FER1L5: variants seen among roughly 807,000 people sequenced by gnomAD.
FER1L5 encodes fer-1 like family member 5.
A neutral mutation model predicts 279.9 loss-of-function variants in FER1L5; 187 were observed. That is an observed-to-expected ratio of 0.67 (90% CI 0.59 to 0.75). The LOEUF is 0.75. Ranked by LOEUF, FER1L5 falls within the 30% of genes least tolerant of loss-of-function variation. FER1L5 has a pLI of 0.00. For synonymous variants in FER1L5, 921 were observed against 989.7 expected (o/e 0.93, Z 1.30); for missense variants, 2,091 against 2,594.4 (o/e 0.81, Z 4.21).
Position 96,695,621 on chromosome 2 carries a change from C to T in FER1L5, c.3854C>T (p.Pro1285Leu). The part of the protein sequence containing the change: ...TEPIRDFQTN[P>L]NFPESESVLV... ...CCCATCAGGGACTTTCAGACCAACCCCAACTTCCCCGAGTCTGAGTCTGTC... is the reference window on the plus strand; with the variant it reads ...CCCATCAGGGACTTTCAGACCAACCTCAACTTCCCCGAGTCTGAGTCTGTC... Residue 1285 changes from proline to leucine, a missense_variant, in exon 35 of 53, where the codon CCC becomes CTC. Transcript: ENST00000624922. The T allele has an allele frequency of 1.9e-6, 3 of 1,604,864 alleles. No homozygotes were observed. The highest frequency in any genetic ancestry group is 2.6e-6 in the Non-Finnish European group (3 of 1,175,684).
intron 37 of FER1L5, among the ~76,000 whole-genome samples, chr2:96,696,635 TCACATC>T (rs2077391577): frequency 6.6e-6 from 1 of 151,742 alleles, no homozygotes; most frequent in Non-Finnish European, 1.5e-5. Flanking sequence ...GTGCAGTGGC[TCACATC>T]TGTAATCCCA....
At chr2:96,703,972 T>C (rs2077687499) in intron 51 of FER1L5, among the ~76,000 whole-genome samples, 1 of 152,006 alleles carries the variant, frequency 6.6e-6, no homozygotes, top group African/African-American at 2.4e-5. Flanking sequence ...CATGCCACCA[T>C]GCCCGGCTAA....
intron 9 of FER1L5, among the ~76,000 whole-genome samples, chr2:96,657,030 A>T (rs2075624643): frequency 6.7e-6 from 1 of 150,096 alleles, no homozygotes; most frequent in African/African-American, 2.4e-5. Flanking sequence ...GAGTGACTGA[A>T]TTTCTATTCT....
Position 96,695,723 on chromosome 2 carries a change from C to T in FER1L5, c.3895-19C>T, listed in dbSNP as rs374706762. 13 of 1,610,424 alleles carry T rather than the reference C, an allele frequency of 8.1e-6. No homozygotes were observed. The highest frequency in any genetic ancestry group is 5.5e-5 in the South Asian group (5 of 90,276). ...TCTTCTGTGGGTCTCACGCTCCCCA[C>T]GTCTCCTCGGGATTGCAGCTCATGC... On this transcript the variant is annotated intron_variant, in intron 35 of 52. Coordinates refer to ENST00000624922, the MANE Select transcript of FER1L5 (RefSeq NM_001293083.2).
Position 96,702,886 on chromosome 2 carries a change from A to C in FER1L5, c.5398-92A>C. 1 of 1,529,498 alleles carries C rather than the reference A, an allele frequency of 6.5e-7. No individual in the cohort carries two copies. Among genetic ancestry groups the C allele is most frequent in the South Asian group, 1.2e-5 (1 of 83,652 alleles). 94.7% of individuals were successfully genotyped at this position (1,529,498 alleles called of 1,614,324 possible). A position where few individuals can be genotyped will look rare whatever the true frequency, so the allele number is the denominator to read the frequency against. On this transcript the variant is annotated intron_variant, in intron 48 of 52. Transcript: ENST00000624922. This position sits in a 1 kb window ranked among gnomAD's most constrained non-coding sequence, Gnocchi z 4.0. ...TCAGGTGGAAACCCTCTTCCTTGAT[A>C]GTCTATCACTGCTGGGTGGAGGGCC...
rs1360129361 is a variant in FER1L5 at position 96,702,413 on chromosome 2, G to A, written c.5255+12G>A. ...ATCTACATCAAAGGGTAGGGAAGAG[G>A]AGTCAGGCTCCGGCAGAGCCCCTCA... On this transcript the variant is annotated intron_variant, in intron 47 of 52. Transcript: ENST00000624922. This position sits in a 1 kb window ranked among gnomAD's most constrained non-coding sequence, Gnocchi z 4.0. The A allele has an allele frequency of 1.2e-6, 2 of 1,605,328 alleles. No individual in the cohort carries two copies. The highest frequency in any genetic ancestry group is 1.6e-4 in the Middle Eastern group (1 of 6,076).
Position 96,673,129 on chromosome 2 carries a change from C to A in FER1L5, c.1544C>A (p.Thr515Asn), listed in dbSNP as rs1010588091. 1 of 1,551,548 alleles carries A rather than the reference C, an allele frequency of 6.4e-7. No individual in the cohort carries two copies. The highest frequency in any genetic ancestry group is 1.7e-4 in the Middle Eastern group (1 of 5,988). ...CTGTGCGTCATCTTCCTTTCCTGTA[C>A]CATGATGCCCAACTTTAAAGAGCTG... ...YGLCVIFLSC[T>N]MMPNFKELIH... The change falls in exon 19 of 53, where the codon ACC (threonine) becomes AAC (asparagine). Residue 515 changes from threonine (T) to asparagine (N), a missense_variant. Coordinates refer to ENST00000624922, the MANE Select transcript of FER1L5 (RefSeq NM_001293083.2).
At chr2:96,685,110 C>T (rs1040344029) in intron 20 of FER1L5, among the ~76,000 whole-genome samples, 2 of 152,092 alleles carry the variant, frequency 1.3e-5, no homozygotes, top group Non-Finnish European at 2.9e-5. Context: ...TACCCCATCC[C>T]GGCTTCTTGC....
In FER1L5 at chr2:96,654,309, T is replaced by G. The variant is rs2075504531; in HGVS notation, c.697-137T>G. On this transcript the variant is annotated intron_variant, in intron 8 of 52. Coordinates refer to ENST00000624922, the MANE Select transcript of FER1L5 (RefSeq NM_001293083.2). ...TCTGAGAGTGAAATGAGAACACCCA[T>G]GTGCAAGTGTCTGCCCCATTAGGAA... 9 of 392,320 alleles carry G rather than the reference T, an allele frequency of 2.3e-5. No homozygotes were observed. In the South Asian group the frequency reaches 7.0e-4, roughly 31 times the overall value. The allele number at this position is 392,320 out of a possible 1,614,324, so 24.3% of individuals were successfully genotyped here.
chr2:96,685,863 G>A, intron 21 of FER1L5, 77 bp from the exon 22 acceptor site: 1 of 1,452,428 alleles, frequency 6.9e-7, no homozygotes, highest in Non-Finnish European at 9.1e-7. Flanking sequence ...GGGCACGCTG[G>A]CCTAAGGCAG....
intron 9 of FER1L5, among the ~76,000 whole-genome samples, chr2:96,655,271 C>T (rs1350077870): frequency 6.6e-6 from 1 of 152,150 alleles, no homozygotes. Flanking sequence ...GGAGAGTTTA[C>T]AGTCATGATG....
At chr2:96,673,049 TG>T (rs1377988434) in intron 18 of FER1L5, 27 bp from the exon 19 acceptor site, 2 of 1,547,578 alleles carry the variant, frequency 1.3e-6, no homozygotes, top group East Asian at 4.9e-5. Flanking sequence ...GTACTGGGTA[TG>T]GGGGGTGGGG....
At position 96,699,520 on chromosome 2, in the gene FER1L5, C is replaced by G. The variant is rs541920518; in HGVS notation, c.4611-30C>G. 1.9e-5 allele frequency: 31 copies of G among 1,600,572 alleles called. No individual in the cohort carries two copies. The East Asian group carries it at 6.5e-4, about 34-fold the overall frequency. Reference sequence around the variant, plus strand: ...GGGGGCACAGAGACATTGCCCACATCCTCTGCAGTCTCCAACACCTCACCC... The same window carrying G: ...GGGGGCACAGAGACATTGCCCACATGCTCTGCAGTCTCCAACACCTCACCC... On this transcript the variant is annotated intron_variant, in intron 42 of 52. Transcript: ENST00000624922.
chr2:96,663,336 G>T, intron 13 of FER1L5, 103 bp from the exon 14 acceptor site: 1 of 1,064,286 alleles, frequency 9.4e-7, no homozygotes, highest in South Asian at 1.4e-5. Flanking sequence ...GCACCTCTGT[G>T]CTGTGGTGTC....
chr2:96,654,346 G>T, intron 8 of FER1L5, 100 bp from the exon 9 acceptor site: 5 of 396,046 alleles, frequency 1.3e-5, no homozygotes, highest in Non-Finnish European at 2.2e-5. Flanking sequence ...CATTCAATAC[G>T]TCAGGAGGAT....
In FER1L5 at chr2:96,690,479, A is replaced by C; in HGVS notation, c.2641-8A>C. 1.3e-6 allele frequency: 2 copies of C among 1,551,338 alleles called. No homozygotes were observed. Among genetic ancestry groups the C allele is most frequent in the Non-Finnish European group, 1.7e-6 (2 of 1,146,912 alleles). On this transcript the variant is annotated splice_polypyrimidine_tract_variant and splice_region_variant and intron_variant, in intron 26 of 52. Coordinates refer to ENST00000624922, the MANE Select transcript of FER1L5 (RefSeq NM_001293083.2). Reference sequence around the variant, plus strand: ...TGCCCCTCGCTCGCCCTCTCTGTCCACCTGCAGAATGGACAGCCCATGGAG... The same window carrying C: ...TGCCCCTCGCTCGCCCTCTCTGTCCCCCTGCAGAATGGACAGCCCATGGAG...
chr2:96,663,528 C>T, intron 14 of FER1L5, 21 bp downstream of exon 14: 2 of 1,550,426 alleles, frequency 1.3e-6, no homozygotes, highest in African/African-American at 2.7e-5. Flanking sequence ...TCCATCATGC[C>T]CACCCTTCTC....
chr2:96,662,170 G>GA lies in FER1L5; in HGVS notation c.1019-40dup. ...TGTCGCCACCCTATTTCCTCCTCCT[G>GA]AAAAATGCTGCTGGCTCAGATATCT... is the stretch of plus-strand genomic sequence containing the variant. On this transcript the variant is annotated intron_variant, in intron 12 of 52. Transcript: ENST00000624922. 2.6e-6 allele frequency: 4 copies of GA among 1,545,166 alleles called. No individual in the cohort carries two copies. In the East Asian group the frequency reaches 9.8e-5, roughly 38 times the overall value.
chr2:96,668,664 C>T (rs535389607), intron 14 of FER1L5, 87 bp from the exon 15 acceptor site: 25 of 1,477,004 alleles, frequency 1.7e-5, no homozygotes, highest in African/African-American at 7.0e-5. Context: ...CTCCCAGACC[C>T]GCGACTCCCT....
Sources: allele counts gnomAD v4.1 joint callset (sites outside exome capture counted in the v4.1 genomes callset), GRCh38; gene constraint gnomAD v4.1.1; non-coding constraint Gnocchi (gnomAD v3.1); transcripts MANE v1.5; gene names NCBI Gene and HGNC (gene_info 2026-07-23, HGNC 2026-07-21).